Variants in NAV1 observed in about 807,000 individuals in gnomAD.
The protein encoded by NAV1 is pore membrane and/or filament interacting like protein 3.
In NAV1, 18 loss-of-function variants were observed where a neutral mutation model predicts 175.2. The ratio of observed to expected loss-of-function variants is 0.10; its 90% CI spans 0.07 to 0.15. The LOEUF (loss-of-function observed/expected upper bound fraction) is 0.15, where lower values mean the gene tolerates loss of function less well. NAV1 is among the 10% of genes least tolerant of loss of function. NAV1 has a pLI of 1.00. For synonymous variants in NAV1, 897 were observed against 978.7 expected (o/e 0.92, Z 1.56); for missense variants, 1,731 against 2,436.6 (o/e 0.71, Z 6.10).
chr1:201,692,738 C>CAG (rs1671008523), intron 1 of NAV1, among the ~76,000 whole-genome samples: 1 of 152,216 alleles, frequency 6.6e-6, no homozygotes, highest in African/African-American at 2.4e-5. Flanking sequence ...GGATCAGAGG[C>CAG]AGAGCCCTGC....
At chr1:201,746,220 A>G (rs1673762064) in intron 3 of NAV1, among the ~76,000 whole-genome samples, 1 of 152,098 alleles carries the variant, frequency 6.6e-6, no homozygotes, top group African/African-American at 2.4e-5. Context: ...GGGCCAGGGG[A>G]TTTTATCCAA....
intron 29 of NAV1, among the ~76,000 whole-genome samples, chr1:201,818,282 A>G (rs1679186245): frequency 6.6e-6 from 1 of 151,836 alleles, no homozygotes; most frequent in Non-Finnish European, 1.5e-5. Flanking sequence ...TAATCCAAGC[A>G]CTTTGAGAGG....
intron 15 of NAV1, among the ~76,000 whole-genome samples, chr1:201,802,022 A>G (rs940885114): frequency 1.3e-5 from 2 of 148,922 alleles, no homozygotes; most frequent in East Asian, 4.0e-4. Flanking sequence ...CTGTAGTCCC[A>G]GCTACTTGGG....
chr1:201,557,891 T>C (rs1314005627), intron 1 of NAV1, among the ~76,000 whole-genome samples: 1 of 152,122 alleles, frequency 6.6e-6, no homozygotes, highest in Non-Finnish European at 1.5e-5. Context: ...AAGCCATCTA[T>C]GTGCTGGGCG....
At chr1:201,700,125 A>G (rs1671353278) in intron 1 of NAV1, among the ~76,000 whole-genome samples, 1 of 152,248 alleles carries the variant, frequency 6.6e-6, no homozygotes. Context: ...TCTGCACAGC[A>G]AAAGAAACCA....
intron 1 of NAV1, among the ~76,000 whole-genome samples, chr1:201,627,922 C>T (rs776962112): frequency 4.0e-5 from 6 of 151,654 alleles, no homozygotes; most frequent in Admixed American, 6.6e-5. Context: ...GGGCAGATCT[C>T]GAGCTCAGGA....
In NAV1 at chr1:201,788,431, G is replaced by C. The variant is rs374613705; in HGVS notation, c.2996-37G>C. On this transcript the variant is annotated intron_variant, in intron 9 of 29. Coordinates refer to ENST00000367296, the Ensembl canonical transcript of NAV1. The surrounding 1 kb of genome is among the most constrained non-coding windows in gnomAD (Gnocchi z 5.7). Reference sequence around the variant, plus strand: ...ACCCTGCCTCTTTTCCTGCCCTCCTGCTCCCTCTCCTGTCCCCCTTCCCTC... The same window carrying C: ...ACCCTGCCTCTTTTCCTGCCCTCCTCCTCCCTCTCCTGTCCCCCTTCCCTC... 39 of 1,611,802 alleles carry C rather than the reference G, an allele frequency of 2.4e-5. No individual in the cohort carries two copies. In the African/African-American group the frequency reaches 4.3e-4, roughly 18 times the overall value.
exon 29 of NAV1, chr1:201,817,219 T>C: frequency 1.9e-6 from 3 of 1,614,134 alleles, no homozygotes; most frequent in Admixed American, 1.7e-5. Flanking sequence ...CTCACAGCAT[T>C]GCCTCACCTC....
At chr1:201,722,227 A>T (rs1672416002) in intron 3 of NAV1, among the ~76,000 whole-genome samples, 1 of 152,180 alleles carries the variant, frequency 6.6e-6, no homozygotes, top group South Asian at 2.1e-4. Flanking sequence ...CTCCCCAAAG[A>T]GAAACTGTAC....
At chr1:201,735,138 G>A (rs1164339004) in intron 3 of NAV1, among the ~76,000 whole-genome samples, 2 of 152,126 alleles carry the variant, frequency 1.3e-5, no homozygotes, top group Middle Eastern at 3.2e-3. Context: ...AGTGCCCCCA[G>A]TTCAAACTCT....
Position 201,712,476 on chromosome 1 carries a change from A to G in NAV1, c.758-341A>G, listed in dbSNP as rs117611141. ...TGTTCCAGCTCATCTCAACCACGAG[A>G]AATCTTGCCCAGGACCTCTGCTATG... On this transcript the variant is annotated intron_variant, in intron 1 of 29. Transcript: ENST00000367296. Among the ~76,000 whole-genome samples, 343 of 152,336 alleles carry G rather than the reference A, an allele frequency of 2.3e-3. 4 individuals carry two copies. The East Asian group carries it at 0.04, about 18-fold the overall frequency.
intron 1 of NAV1, among the ~76,000 whole-genome samples, chr1:201,556,949 G>A (rs1045915856): frequency 3.9e-5 from 6 of 152,140 alleles, no homozygotes; most frequent in Non-Finnish European, 7.3e-5. Flanking sequence ...CAGTAGACTC[G>A]TCTCTGGTGC....
intron 15 of NAV1, among the ~76,000 whole-genome samples, chr1:201,801,582 G>C (rs1677869740): frequency 6.6e-6 from 1 of 152,028 alleles, no homozygotes; most frequent in South Asian, 2.1e-4. Context: ...TGGCATCCCT[G>C]GGTGCTGGGG....
At chr1:201,816,484 T>G (rs1679035966) in intron 28 of NAV1, among the ~76,000 whole-genome samples, 1 of 152,194 alleles carries the variant, frequency 6.6e-6, no homozygotes, top group Admixed American at 6.5e-5. Context: ...CATATAATTT[T>G]TGTTGATTAA....
intron 20 of NAV1, 54 bp from the exon 25 acceptor site, chr1:201,809,110 T>G (rs1023249150): frequency 7.6e-5 from 118 of 1,553,076 alleles, no homozygotes; most frequent in Non-Finnish European, 9.3e-5. Flanking sequence ...TGGGAAAGTT[T>G]AGGAAAGGCT....
At chr1:201,558,367 G>A (rs372526492) in intron 1 of NAV1, among the ~76,000 whole-genome samples, 3 of 152,338 alleles carry the variant, frequency 2.0e-5, no homozygotes, top group African/African-American at 7.2e-5. Flanking sequence ...ATAATGGTTA[G>A]TAAATCATTC....
At chr1:201,572,258 C>T (rs549502792) in intron 1 of NAV1, among the ~76,000 whole-genome samples, 63 of 152,282 alleles carry the variant, frequency 4.1e-4, no homozygotes, top group African/African-American at 1.5e-3. Flanking sequence ...CTACAGAACC[C>T]TGGATCCTAA....
At chr1:201,659,246 A>G (rs1309229782) in intron 1 of NAV1, among the ~76,000 whole-genome samples, 1 of 152,214 alleles carries the variant, frequency 6.6e-6, no homozygotes, top group African/African-American at 2.4e-5. Flanking sequence ...CTCTAGCTTT[A>G]TTGTTTGATC....
intron 2 of NAV1, among the ~76,000 whole-genome samples, chr1:201,610,354 G>A (rs955191739): frequency 4.6e-5 from 7 of 152,234 alleles, no homozygotes; most frequent in African/African-American, 1.7e-4. Flanking sequence ...ACGGCTCTGA[G>A]TTCCCTCCCT....
Sources: allele counts gnomAD v4.1 joint callset (sites outside exome capture counted in the v4.1 genomes callset), GRCh38; gene constraint gnomAD v4.1.1; non-coding constraint Gnocchi (gnomAD v3.1); transcripts MANE v1.5; gene names NCBI Gene and HGNC (gene_info 2026-07-23, HGNC 2026-07-21).